Variants in RBFOX1 observed in about 807,000 individuals in gnomAD.
The protein encoded by RBFOX1 is RNA binding fox-1 homolog 1.
RBFOX1 carries 8 observed loss-of-function variants against 57.7 expected under a neutral mutation model. The ratio of observed to expected loss-of-function variants is 0.14; its 90% confidence interval spans 0.08 to 0.25. The LOEUF is 0.25. Ranked by LOEUF, RBFOX1 falls within the 10% of genes least tolerant of loss-of-function variation. RBFOX1 has a pLI of 1.00. For missense variants in RBFOX1, 611 were observed against 548.5 expected (o/e 1.11, Z -1.14); for synonymous variants, 326 against 222.4 (o/e 1.47, Z -4.15).
intron 1 of RBFOX1, among the ~76,000 whole-genome samples, chr16:6,072,428 TC>T (rs779175089): frequency 3.9e-5 from 6 of 152,222 alleles, no homozygotes; most frequent in Non-Finnish European, 5.9e-5. Flanking sequence ...TGCAGATATT[TC>T]TTTGCTATCA....
intron 1 of RBFOX1, among the ~76,000 whole-genome samples, chr16:6,231,141 T>C (rs1166987420): frequency 1.3e-5 from 2 of 152,040 alleles, no homozygotes; most frequent in Non-Finnish European, 2.9e-5. Flanking sequence ...GAAATCTGAA[T>C]GTTGAGAAGG....
chr16:5,933,952 C>G (rs1204210690), intron 4 of RBFOX1, among the ~76,000 whole-genome samples: 1 of 152,146 alleles, frequency 6.6e-6, no homozygotes, highest in Non-Finnish European at 1.5e-5. Flanking sequence ...CTCCCACCCT[C>G]CACCCTCAAG....
intron 4 of RBFOX1, among the ~76,000 whole-genome samples, chr16:7,118,235 A>G (rs1345692262): frequency 6.6e-6 from 1 of 152,132 alleles, no homozygotes; most frequent in African/African-American, 2.4e-5. Context: ...ATTTCACCAC[A>G]TCCATGCTAA....
At position 5,657,152 on chromosome 16, in the gene RBFOX1, A is replaced by G. The variant is rs535722394; in HGVS notation, c.318+58191A>G. 1.1e-3 allele frequency among the ~76,000 whole-genome samples: 163 copies of G among 152,256 alleles called. 1 individual carries two copies. The highest frequency in any genetic ancestry group is 3.8e-3 in the African/African-American group (159 of 41,544). ...GAATATATGTGGTATACATCTCTTGATTGGGGACCTATTTATTAGTTTTTC... is the reference window on the plus strand; with the variant it reads ...GAATATATGTGGTATACATCTCTTGGTTGGGGACCTATTTATTAGTTTTTC... On this transcript the variant is annotated intron_variant, in intron 3 of 19. Coordinates refer to the RBFOX1 transcript ENST00000641259.
intron 1 of RBFOX1, among the ~76,000 whole-genome samples, chr16:5,431,501 A>T (rs492714): frequency 8.6e-5 from 13 of 151,244 alleles, no homozygotes; most frequent in Admixed American, 7.2e-4. Context: ...CAGACTCCTG[A>T]GTGGCTGGGA....
chr16:5,415,904 C>T (rs1035505972), intron 1 of RBFOX1, among the ~76,000 whole-genome samples: 1 of 152,128 alleles, frequency 6.6e-6, no homozygotes, highest in Non-Finnish European at 1.5e-5. Context: ...ATAGATGAGT[C>T]TTAGGGGCAC....
At chr16:7,376,938 C>A (rs530695235) in intron 4 of RBFOX1, among the ~76,000 whole-genome samples, 2 of 152,204 alleles carry the variant, frequency 1.3e-5, no homozygotes, top group South Asian at 2.1e-4. Context: ...AATGACTGGC[C>A]TCATACAAGA....
chr16:6,167,068 C>A (rs1296165638), intron 1 of RBFOX1, among the ~76,000 whole-genome samples: 2 of 152,216 alleles, frequency 1.3e-5, no homozygotes, highest in Admixed American at 1.3e-4. Flanking sequence ...CCATCCTGCC[C>A]TGCCTTGCCT....
intron 4 of RBFOX1, among the ~76,000 whole-genome samples, chr16:7,384,528 A>G (rs1029458465): frequency 6.6e-6 from 1 of 152,176 alleles, no homozygotes; most frequent in South Asian, 2.1e-4. Context: ...TACTCTGGCT[A>G]CAGAATCTTG....
At position 6,087,110 on chromosome 16, in the gene RBFOX1, G is replaced by A. The variant is rs937348041; in HGVS notation, c.-127+67118G>A. ...CAAATTTGACAGTAATCCAATTTCC[G>A]TCAGCAAATTTAGATGATGAGATGA... On this transcript the variant is annotated intron_variant, in intron 1 of 15. Transcript: ENST00000550418. Among the ~76,000 whole-genome samples, 9 of 152,138 alleles carry A rather than the reference G, an allele frequency of 5.9e-5. 1 individual carries two copies. Among genetic ancestry groups the A allele is most frequent in the African/African-American group, 1.4e-4 (6 of 41,430 alleles).
chr16:6,868,288 CAG>C (rs2060279601), intron 3 of RBFOX1, among the ~76,000 whole-genome samples: 2 of 152,070 alleles, frequency 1.3e-5, no homozygotes, highest in Admixed American at 6.5e-5. Context: ...AAGATGGACA[CAG>C]AAAGTGGTTT....
rs535234293 is a variant in RBFOX1, at chr16:5,818,165, T to C, written c.319-49138T>C. Among the ~76,000 whole-genome samples the C allele has an allele frequency of 7.6e-4, 116 of 152,322 alleles. 1 individual carries two copies. The highest frequency in any genetic ancestry group is 2.6e-3 in the African/African-American group (108 of 41,576). The stretch of plus-strand genomic sequence containing the variant: ...CCATCCTTAGCATTGTTACCAATCA[T>C]TGAGCAGTTGCTGAGCCAGGCTGTG... On this transcript the variant is annotated intron_variant, in intron 3 of 19. Transcript: ENST00000641259.
chr16:5,622,762 T>A (rs2048236665), intron 3 of RBFOX1, among the ~76,000 whole-genome samples: 1 of 152,200 alleles, frequency 6.6e-6, no homozygotes, highest in Non-Finnish European at 1.5e-5. Flanking sequence ...GCCAAGAATG[T>A]TTACTGTTGG....
intron 4 of RBFOX1, among the ~76,000 whole-genome samples, chr16:5,929,315 C>T (rs561537946): frequency 2.4e-4 from 35 of 148,022 alleles, no homozygotes; most frequent in African/African-American, 8.6e-4. Flanking sequence ...CAGTCTTAAG[C>T]CTCTCTCTCT....
intron 1 of RBFOX1, among the ~76,000 whole-genome samples, chr16:6,162,950 T>C (rs2096890608): frequency 6.6e-6 from 1 of 152,158 alleles, no homozygotes; most frequent in Non-Finnish European, 1.5e-5. Flanking sequence ...GTCAGGCTGG[T>C]CTCGAACTCC....
chr16:6,884,621 A>G (rs1437321517), intron 3 of RBFOX1, among the ~76,000 whole-genome samples: 1 of 152,136 alleles, frequency 6.6e-6, no homozygotes, highest in Non-Finnish European at 1.5e-5. Context: ...TAAATTGGCC[A>G]GGTGTGGTGG....
At chr16:7,213,552 A>T (rs1376157041) in intron 4 of RBFOX1, among the ~76,000 whole-genome samples, 1 of 125,356 alleles carries the variant, frequency 8.0e-6, no homozygotes, top group Admixed American at 7.4e-5. Flanking sequence ...GGGATCCTCT[A>T]ATGCCAAAAA....
chr16:7,624,282 A>T (rs2059747619), intron 10 of RBFOX1, among the ~76,000 whole-genome samples: 1 of 152,248 alleles, frequency 6.6e-6, no homozygotes, highest in Admixed American at 6.5e-5. Flanking sequence ...TTCAGTTATG[A>T]TAGAATTATA....
At chr16:6,822,697 C>G (rs914822679) in intron 3 of RBFOX1, among the ~76,000 whole-genome samples, 1 of 152,122 alleles carries the variant, frequency 6.6e-6, no homozygotes, top group African/African-American at 2.4e-5. Flanking sequence ...TTTTAAAGAT[C>G]CAAGCTCTGC....
Sources: gnomAD v4.1 joint callset for allele counts (sites outside exome capture counted in the v4.1 genomes callset) on GRCh38, gnomAD v4.1.1 for gene constraint, MANE v1.5 for transcripts, NCBI Gene and HGNC (gene_info 2026-07-23, HGNC 2026-07-21) for gene names.